Variants in NDST1 observed in about 807,000 individuals in gnomAD.
NDST1 encodes the protein bifunctional heparan sulfate N-deacetylase/N-sulfotransferase 1.
In NDST1, 35 loss-of-function variants were observed where a neutral mutation model predicts 92.8. That is an observed-to-expected ratio of 0.38 (90% confidence interval 0.29 to 0.50). The LOEUF is 0.50. NDST1 is among the 20% of genes least tolerant of loss of function. The pLI, the probability that NDST1 is intolerant of heterozygous loss-of-function variation, is 0.94. For synonymous variants in NDST1, 493 were observed against 500.3 expected (o/e 0.99, Z 0.19); for missense variants, 822 against 1,182.7 (o/e 0.69, Z 4.47).
At chr5:150,547,728 A>G (rs1458973924) in intron 11 of NDST1, among the ~76,000 whole-genome samples, 2 of 152,142 alleles carry the variant, frequency 1.3e-5, no homozygotes, top group Admixed American at 6.5e-5. Flanking sequence ...CCTTCTATAT[A>G]TGACAACAGT....
chr5:150,509,956 A>T (rs1304612161), intron 1 of NDST1, among the ~76,000 whole-genome samples: 1 of 151,974 alleles, frequency 6.6e-6, no homozygotes, highest in African/African-American at 2.4e-5. Context: ...CTGGGTCAGC[A>T]GCCCTGGGCC....
intron 10 of NDST1, among the ~76,000 whole-genome samples, chr5:150,544,812 G>C (rs1275758395): frequency 6.6e-6 from 1 of 152,184 alleles, no homozygotes; most frequent in African/African-American, 2.4e-5. Flanking sequence ...AGGAGGTCCT[G>C]GTCCACAGTG....
chr5:150,502,118 G>C (rs944231623), intron 1 of NDST1, among the ~76,000 whole-genome samples: 1 of 152,184 alleles, frequency 6.6e-6, no homozygotes, highest in African/African-American at 2.4e-5. Context: ...GAGTGGAGGG[G>C]AAGCTGCTGG....
Position 150,533,029 on chromosome 5 carries a change from A to G in NDST1, c.1093A>G (p.Thr365Ala). ...GGGCTACTCAGGGAAATTCTTCCAC[A>G]CAGGTAAGTGGGCCTGCCCCTGCCC... is the stretch of plus-strand genomic sequence containing the variant. ...NLGYSGKFFHTGTNAEDAGDD... is the reference protein window; with the variant it reads ...NLGYSGKFFHAGTNAEDAGDD... Residue 365 changes from threonine (T) to alanine (A), a missense_variant, in exon 4 of 15, where the codon ACA becomes GCA. Coordinates refer to ENST00000261797, the MANE Select transcript of NDST1 (RefSeq NM_001543.5). The G allele has an allele frequency of 1.2e-6, 2 of 1,614,048 alleles. No homozygotes were observed. Among genetic ancestry groups the G allele is most frequent in the Non-Finnish European group, 1.7e-6 (2 of 1,179,920 alleles).
chr5:150,517,833 G>T (rs1228871912), intron 1 of NDST1, among the ~76,000 whole-genome samples: 1 of 152,224 alleles, frequency 6.6e-6, no homozygotes, highest in Non-Finnish European at 1.5e-5. Context: ...AGCCTGCGAG[G>T]AGTGGCTGGT....
At chr5:150,527,753 GGT>G (rs1241886011) in intron 2 of NDST1, 49 bp from the exon 3 acceptor site, 1 of 1,607,446 alleles carries the variant, frequency 6.2e-7, no homozygotes, top group Admixed American at 1.7e-5. Flanking sequence ...TGTCCTTTGG[GGT>G]TCTGGATGTG....
At chr5:150,530,980 A>G (rs1263212105) in intron 3 of NDST1, among the ~76,000 whole-genome samples, 2 of 152,144 alleles carry the variant, frequency 1.3e-5, no homozygotes, top group African/African-American at 2.4e-5. Flanking sequence ...CCTCTTTCAC[A>G]CACTCAGCTC....
At chr5:150,548,163 G>A (rs1250325682) in intron 11 of NDST1, 55 bp from the exon 12 acceptor site, 3 of 1,611,108 alleles carry the variant, frequency 1.9e-6, no homozygotes, top group South Asian at 1.1e-5. Flanking sequence ...TCCCTCTCAG[G>A]CCACTTCCTT....
At chr5:150,547,069 G>T (rs554919370) in intron 11 of NDST1, among the ~76,000 whole-genome samples, 1 of 152,354 alleles carries the variant, frequency 6.6e-6, no homozygotes, top group East Asian at 1.9e-4. Flanking sequence ...TTACTGGAGA[G>T]TCACAGCTGG....
At chr5:150,552,040 C>A in intron 14 of NDST1, 185 bp downstream of exon 14, 1 of 570,502 alleles carries the variant, frequency 1.8e-6, no homozygotes, top group Non-Finnish European at 2.2e-6. Context: ...CTGATTTCGT[C>A]AAACAAGTGT....
At chr5:150,543,104 G>T in intron 10 of NDST1, 133 bp downstream of exon 10, 1 of 1,208,408 alleles carries the variant, frequency 8.3e-7, no homozygotes, top group Non-Finnish European at 1.2e-6. Context: ...CAGGGACAAA[G>T]TGCAGTGACC....
chr5:150,526,761 T>C lies in NDST1; in HGVS notation c.514-1043T>C, dbSNP rs531021254. ...AGTTTGTCAGGCCAAGAAGACGGAATGGAATTGGCACAGGAACAAGGACAA... is the reference window on the plus strand; with the variant it reads ...AGTTTGTCAGGCCAAGAAGACGGAACGGAATTGGCACAGGAACAAGGACAA... On this transcript the variant is annotated intron_variant, in intron 2 of 14. Transcript: ENST00000261797. Among the ~76,000 whole-genome samples the C allele has an allele frequency of 2.6e-5, 4 of 152,308 alleles. No individual in the cohort carries two copies. The South Asian group carries it at 8.3e-4, about 32-fold the overall frequency.
At position 150,555,934 on chromosome 5, in the gene NDST1, TCTC is replaced by T. The variant is rs1324794994; in HGVS notation, c.*2607_*2609del. ...GTCTGCCTAGGTCACTGCTGCCACT[TCTC>T]CTCCCACTAACAGACCTTTCTTGAA... On this transcript the variant is annotated 3_prime_UTR_variant, in exon 15 of 15. Transcript: ENST00000261797. 6.6e-6 allele frequency: 1 copy of T among 152,214 alleles called. No homozygotes were observed. Among genetic ancestry groups the T allele is most frequent in the Non-Finnish European group, 1.5e-5 (1 of 68,132 alleles). The allele number at this position is 152,214 out of a possible 1,614,324, so 9.4% of individuals were successfully genotyped here.
At chr5:150,505,787 T>A (rs964937740), upstream of NDST1, among the ~76,000 whole-genome samples, 1 of 152,216 alleles carries the variant, frequency 6.6e-6, no homozygotes, top group Non-Finnish European at 1.5e-5. Flanking sequence ...TTTAAAATTT[T>A]ATTTTTTTTA....
chr5:150,548,783 G>A (rs867115815), intron 12 of NDST1, among the ~76,000 whole-genome samples: 11 of 151,764 alleles, frequency 7.2e-5, no homozygotes, highest in Non-Finnish European at 1.3e-4. Flanking sequence ...GTCCTCCCTT[G>A]GTCTTCCAAA....
chr5:150,553,514 C>T lies in NDST1; in HGVS notation c.*182C>T, dbSNP rs1307499727. 5.0e-6 allele frequency: 4 copies of T among 797,416 alleles called. No homozygotes were observed. In the African/African-American group the frequency reaches 6.8e-5, roughly 14 times the overall value. The allele number at this position is 797,416 out of a possible 1,614,324, so 49.4% of individuals were successfully genotyped here. A position where few individuals can be genotyped will look rare whatever the true frequency, so the allele number is the denominator to read the frequency against. ...GGATCTGCAAGCACCTCGGAGCACC[C>T]ACCGCTGGGTCTGCGGCCTAAGGGA... is the stretch of plus-strand genomic sequence containing the variant. On this transcript the variant is annotated 3_prime_UTR_variant, in exon 15 of 15. Coordinates refer to ENST00000261797, the MANE Select transcript of NDST1 (RefSeq NM_001543.5). This position sits in a 1 kb window ranked among gnomAD's most constrained non-coding sequence, Gnocchi z 4.2.
At chr5:150,501,113 T>G (rs1419501958) in intron 1 of NDST1, among the ~76,000 whole-genome samples, 2 of 152,228 alleles carry the variant, frequency 1.3e-5, no homozygotes, top group African/African-American at 2.4e-5. Flanking sequence ...TGTCTTTCCT[T>G]AAACTATCTG....
In NDST1 at chr5:150,521,633, G is replaced by C; in HGVS notation, c.379G>C (p.Asp127His). The C allele has an allele frequency of 6.2e-7, 1 of 1,614,064 alleles. No homozygotes were observed. Among genetic ancestry groups the C allele is most frequent in the South Asian group, 1.1e-5 (1 of 91,088 alleles). The change falls in exon 2 of 15, where the codon GAC becomes CAC. Residue 127 changes from aspartate to histidine, a missense_variant. Transcript: ENST00000261797. The surrounding 1 kb of genome is among the most constrained non-coding windows in gnomAD (Gnocchi z 5.9). Reference sequence around the variant, plus strand: ...CAAGGGTGACATGCCCACGCTCACTGACAAGGGCCGTGGCCGCTTCGCCCT... The same window carrying C: ...CAAGGGTGACATGCCCACGCTCACTCACAAGGGCCGTGGCCGCTTCGCCCT... ...PGKGDMPTLT[D>H]KGRGRFALII... is the part of the protein sequence containing the mutation.
intron 10 of NDST1, among the ~76,000 whole-genome samples, chr5:150,543,244 A>G (rs1281118122): frequency 1.3e-5 from 2 of 152,180 alleles, no homozygotes; most frequent in Non-Finnish European, 2.9e-5. Flanking sequence ...GCAGAGAAAC[A>G]TCCTGAGTCT....
Sources: allele counts gnomAD v4.1 joint callset (sites outside exome capture counted in the v4.1 genomes callset), GRCh38; gene constraint gnomAD v4.1.1; non-coding constraint Gnocchi (gnomAD v3.1); transcripts MANE v1.5; gene names NCBI Gene and HGNC (gene_info 2026-07-23, HGNC 2026-07-21).